ESR1: variants seen among roughly 807,000 people sequenced by gnomAD.
The protein encoded by ESR1 is estrogen receptor.
ESR1 carries 12 observed loss-of-function variants against 52.7 expected under a neutral mutation model. That is an observed-to-expected ratio of 0.23 (90% confidence interval 0.15 to 0.37). ESR1 has a LOEUF of 0.37. Ranked by LOEUF, ESR1 falls within the 10% of genes least tolerant of loss-of-function variation. The pLI, the probability that ESR1 is intolerant of heterozygous loss-of-function variation, is 1.00. For synonymous variants in ESR1, 305 were observed against 316.8 expected, an observed-to-expected ratio of 0.96 and a Z score of 0.39; for missense variants, 584 against 779.7, an observed-to-expected ratio of 0.75 and a Z score of 2.99.
chr6:151,847,991 G>T (rs1443435694), intron 2 of ESR1, among the ~76,000 whole-genome samples: 1 of 135,228 alleles, frequency 7.4e-6, no homozygotes, highest in Non-Finnish European at 1.6e-5. Context: ...TATACCCAAA[G>T]GACTATAAAT....
Position 152,121,030 on chromosome 6 carries a change from G to A in ESR1, c.851-4236G>A, listed in dbSNP as rs537448356. On this transcript the variant is annotated intron_variant, in intron 6 of 6. Coordinates refer to the ESR1 transcript ENST00000427531. ...GAAGGGACAGCAGCCAACAAGCTCC[G>A]GCAATTACTGCCATGCAGGAATATG... 8.5e-5 allele frequency among the ~76,000 whole-genome samples: 13 copies of A among 152,230 alleles called. No individual in the cohort carries two copies. In the East Asian group the frequency reaches 1.5e-3, roughly 18 times the overall value.
chr6:151,924,203 C>T (rs1048094713), intron 3 of ESR1, among the ~76,000 whole-genome samples: 19 of 152,008 alleles, frequency 1.2e-4, no homozygotes, highest in African/African-American at 3.6e-4. Context: ...CCACCATACC[C>T]GGCTAATTGT....
At chr6:151,805,046 G>T (rs763968399), upstream of ESR1, 1 of 152,112 alleles carries the variant, frequency 6.6e-6, no homozygotes, top group Non-Finnish European at 1.5e-5. Flanking sequence ...TTAATAATAC[G>T]TATTTTTCAC....
At chr6:151,722,358 G>A (rs1174662156) in intron 2 of ESR1, among the ~76,000 whole-genome samples, 1 of 152,198 alleles carries the variant, frequency 6.6e-6, no homozygotes, top group Non-Finnish European at 1.5e-5. Flanking sequence ...GGATTTCATT[G>A]AGAAGTCCCT....
In ESR1 at chr6:152,061,490, C is replaced by G. The variant is rs2047537683; in HGVS notation, c.1369+366C>G. On this transcript the variant is annotated intron_variant, in intron 6 of 7. Transcript: ENST00000206249. The surrounding 1 kb of genome is among the most constrained non-coding windows in gnomAD (Gnocchi z 4.3). ...AGTAATTCTGTTAAGAAATTGTGACCAATTCCAGGCTCCAGATAGTAAAGA... is the reference window on the plus strand; with the variant it reads ...AGTAATTCTGTTAAGAAATTGTGACGAATTCCAGGCTCCAGATAGTAAAGA... Among the ~76,000 whole-genome samples the G allele has an allele frequency of 6.6e-6, 1 of 152,086 alleles. No individual in the cohort carries two copies. Among genetic ancestry groups the G allele is most frequent in the African/African-American group, 2.4e-5 (1 of 41,402 alleles).
chr6:151,957,176 C>T (rs1426508741), intron 4 of ESR1, among the ~76,000 whole-genome samples: 3 of 152,104 alleles, frequency 2.0e-5, no homozygotes, highest in Non-Finnish European at 4.4e-5. Context: ...CACGTGCGAC[C>T]CACATGTCTG....
At chr6:152,037,023 T>C (rs2045366032) in intron 5 of ESR1, among the ~76,000 whole-genome samples, 1 of 152,256 alleles carries the variant, frequency 6.6e-6, no homozygotes, top group Admixed American at 6.5e-5. Flanking sequence ...TACCAGTTGT[T>C]TCCAGGATAA....
At chr6:151,856,722 G>T (rs979894772) in intron 2 of ESR1, among the ~76,000 whole-genome samples, 1 of 152,112 alleles carries the variant, frequency 6.6e-6, no homozygotes, top group East Asian at 1.9e-4. Context: ...TCCCAGAAAT[G>T]GGCTTCTTTC....
At chr6:151,804,536 A>G (rs541195108), upstream of ESR1, 5 of 148,146 alleles carry the variant, frequency 3.4e-5, no homozygotes, top group African/African-American at 1.3e-4. Flanking sequence ...ATTTATTTTC[A>G]ATACTGACTA....
At chr6:151,726,626 G>A (rs1341743215) in intron 2 of ESR1, among the ~76,000 whole-genome samples, 3 of 152,208 alleles carry the variant, frequency 2.0e-5, no homozygotes, top group Non-Finnish European at 2.9e-5. Flanking sequence ...GCAAGCCACA[G>A]CGCCCGGTCA....
At chr6:151,892,438 C>T (rs1176579996) in intron 3 of ESR1, among the ~76,000 whole-genome samples, 1 of 152,118 alleles carries the variant, frequency 6.6e-6, no homozygotes. Context: ...AAGTGAATCT[C>T]TTCTGAATGG....
At chr6:151,902,801 G>A (rs990259580) in intron 3 of ESR1, among the ~76,000 whole-genome samples, 2 of 152,146 alleles carry the variant, frequency 1.3e-5, no homozygotes, top group African/African-American at 4.8e-5. Context: ...TGAAAAGTAC[G>A]TTCAATTTTT....
chr6:152,015,474 T>C (rs758160231), intron 5 of ESR1, among the ~76,000 whole-genome samples: 1 of 152,240 alleles, frequency 6.6e-6, no homozygotes, highest in Non-Finnish European at 1.5e-5. Flanking sequence ...TCTTCTTACC[T>C]TCCCTACTAG....
chr6:151,864,940 G>A, intron 2 of ESR1, among the ~76,000 whole-genome samples: 1 of 113,864 alleles, frequency 8.8e-6, no homozygotes, highest in Non-Finnish European at 1.7e-5. Flanking sequence ...GCCTGTTGTG[G>A]GGTGGGGGGA....
At chr6:151,774,812 A>G (rs772845272) in intron 2 of ESR1, among the ~76,000 whole-genome samples, 4 of 152,264 alleles carry the variant, frequency 2.6e-5, no homozygotes, top group Non-Finnish European at 5.9e-5. Context: ...TGAAGACACC[A>G]TTAAATAAAT....
intron 1 of ESR1, among the ~76,000 whole-genome samples, chr6:151,822,409 G>C (rs1013483267): frequency 2.2e-4 from 34 of 152,174 alleles, no homozygotes; most frequent in African/African-American, 8.2e-4. Flanking sequence ...TTCCTCTAAG[G>C]AGCTGAAAAC....
intron 2 of ESR1, among the ~76,000 whole-genome samples, chr6:151,872,787 C>T (rs1791192843): frequency 6.6e-6 from 1 of 152,164 alleles, no homozygotes; most frequent in Non-Finnish European, 1.5e-5. Flanking sequence ...GGGGTAGATA[C>T]AGACACTAGG....
chr6:151,663,950 G>A (rs528540343), intron 1 of ESR1, among the ~76,000 whole-genome samples: 1 of 152,262 alleles, frequency 6.6e-6, no homozygotes, highest in South Asian at 2.1e-4. Context: ...CTTTGGTGGT[G>A]TTGGTTTTTG....
At chr6:151,776,043 T>A (rs190219902) in intron 2 of ESR1, among the ~76,000 whole-genome samples, 1 of 151,994 alleles carries the variant, frequency 6.6e-6, no homozygotes, top group Non-Finnish European at 1.5e-5. Flanking sequence ...GAGAAGAATA[T>A]AGGAAATGGG....
Sources: gnomAD v4.1 joint callset for allele counts (sites outside exome capture counted in the v4.1 genomes callset) on GRCh38, gnomAD v4.1.1 for gene constraint, Gnocchi (gnomAD v3.1) non-coding constraint, MANE v1.5 for transcripts, NCBI Gene and HGNC (gene_info 2026-07-23, HGNC 2026-07-21) for gene names.